Variants in SMAP1 observed in about 807,000 individuals in gnomAD.
SMAP1 encodes the protein stromal membrane-associated protein 1.
In SMAP1, 24 loss-of-function variants were observed where a neutral mutation model predicts 58.5. The ratio of observed to expected loss-of-function variants is 0.41; its 90% confidence interval spans 0.30 to 0.58. SMAP1 has a LOEUF of 0.58. Among genes scored for constraint, SMAP1 ranks in the 20% least tolerant of loss-of-function variants. The probability of loss-of-function intolerance (pLI) is 0.29; values close to 1 mark genes in which losing one functional copy is unlikely to be tolerated. For synonymous variants in SMAP1, 216 were observed against 196.6 expected (o/e 1.10, Z -0.82); for missense variants, 563 against 566.3 (o/e 0.99, Z 0.06).
At chr6:70,781,270 A>G (rs932634673) in intron 4 of SMAP1, among the ~76,000 whole-genome samples, 4 of 152,182 alleles carry the variant, frequency 2.6e-5, no homozygotes, top group Admixed American at 1.3e-4. Context: ...GGCTTCTTCT[A>G]CACACTTGGT....
intron 2 of SMAP1, among the ~76,000 whole-genome samples, chr6:70,749,962 A>T (rs1438049399): frequency 1.3e-5 from 2 of 152,234 alleles, no homozygotes; most frequent in African/African-American, 4.8e-5. Context: ...TGGAAGATTA[A>T]AACAAAATAT....
intron 1 of SMAP1, among the ~76,000 whole-genome samples, chr6:70,707,441 A>T (rs1767883806): frequency 6.6e-6 from 1 of 152,164 alleles, no homozygotes; most frequent in Admixed American, 6.6e-5. Flanking sequence ...TGAGAGCATG[A>T]TCTGTTAATT....
chr6:70,675,905 T>A (rs145904104), intron 1 of SMAP1, among the ~76,000 whole-genome samples: 77 of 152,252 alleles, frequency 5.1e-4, no homozygotes, highest in African/African-American at 1.6e-3. Context: ...ATAAATATGG[T>A]TTATGTTGAA....
intron 6 of SMAP1, among the ~76,000 whole-genome samples, chr6:70,831,099 C>T (rs1770339987): frequency 6.6e-6 from 1 of 152,128 alleles, no homozygotes; most frequent in Non-Finnish European, 1.5e-5. Flanking sequence ...AGAGAATTAT[C>T]ATTTCAACTG....
intron 3 of SMAP1, among the ~76,000 whole-genome samples, chr6:70,758,260 T>G (rs1766593324): frequency 6.6e-6 from 1 of 151,522 alleles, no homozygotes; most frequent in Non-Finnish European, 1.5e-5. Context: ...CTCAGTAATC[T>G]ATCGCAAGAA....
chr6:70,732,482 C>G lies in SMAP1; in HGVS notation c.223C>G (p.Leu75Val). ...TATATCCAGGGTCAAATCAGTCAACCTAGACCAATGGACAGCAGAACAGAT... is the reference window on the plus strand; with the variant it reads ...TATATCCAGGGTCAAATCAGTCAACGTAGACCAATGGACAGCAGAACAGAT... ...VHISRVKSVN[L>V]DQWTAEQIQC... The change falls in exon 2 of 11, where the codon CTA (leucine) becomes GTA (valine). Residue 75 changes from leucine to valine, a missense_variant. Physicochemically the swap from Leu to Val is conservative, Grantham distance 32. Transcript: ENST00000370455. The G allele has an allele frequency of 6.2e-7, 1 of 1,607,770 alleles. No individual in the cohort carries two copies. The highest frequency in any genetic ancestry group is 1.1e-5 in the South Asian group (1 of 89,998).
At chr6:70,732,589 G>T (rs1021812789) in intron 2 of SMAP1, 78 bp downstream of exon 2, 49 of 1,245,900 alleles carry the variant, frequency 3.9e-5, no homozygotes, top group South Asian at 2.9e-4. Flanking sequence ...TGCATCTAAG[G>T]ATTAACATTG....
chr6:70,696,922 G>A (rs185148686), intron 1 of SMAP1, among the ~76,000 whole-genome samples: 1 of 152,264 alleles, frequency 6.6e-6, no homozygotes, highest in Admixed American at 6.5e-5. Flanking sequence ...GTTTTACAGT[G>A]TTGGGTGCAT....
In SMAP1 at chr6:70,668,412, C is replaced by T. The variant is rs554669808; in HGVS notation, c.118+271C>T. 734 of 1,073,664 alleles carry T rather than the reference C, an allele frequency of 6.8e-4. 4 individuals carry two copies. The African/African-American group carries it at 1.0e-2, about 15-fold the overall frequency. The allele number at this position is 1,073,664 out of a possible 1,614,324, so 66.5% of individuals were successfully genotyped here. ...CGGGTTTGAGCAGGTGCCAGGGTAG[C>T]GATGCTCGGACCCTCCACAGGGCTG... On this transcript the variant is annotated intron_variant, in intron 1 of 10. Coordinates refer to ENST00000370455, the MANE Select transcript of SMAP1 (RefSeq NM_001044305.3).
chr6:70,768,993 T>A (rs910276916), intron 3 of SMAP1, among the ~76,000 whole-genome samples: 6 of 152,156 alleles, frequency 3.9e-5, no homozygotes, highest in African/African-American at 1.4e-4. Context: ...TATTTCTGCC[T>A]TCATTTCGTT....
intron 1 of SMAP1, among the ~76,000 whole-genome samples, chr6:70,689,163 C>T (rs1460820253): frequency 6.6e-6 from 1 of 151,968 alleles, no homozygotes; most frequent in Non-Finnish European, 1.5e-5. Flanking sequence ...TGTGCGCCAC[C>T]ACGCCTGGCT....
intron 1 of SMAP1, among the ~76,000 whole-genome samples, chr6:70,717,588 C>T (rs562569006): frequency 5.3e-5 from 8 of 152,264 alleles, no homozygotes; most frequent in African/African-American, 1.2e-4. Flanking sequence ...AGGAGACTGT[C>T]GGCCAGTTTC....
At chr6:70,738,783 C>T (rs1765711074) in intron 2 of SMAP1, among the ~76,000 whole-genome samples, 1 of 152,042 alleles carries the variant, frequency 6.6e-6, no homozygotes, top group Non-Finnish European at 1.5e-5. Context: ...GCTTAAAAAA[C>T]AACTAAAACT....
At chr6:70,773,632 C>T (rs1003338433) in intron 4 of SMAP1, among the ~76,000 whole-genome samples, 3 of 152,112 alleles carry the variant, frequency 2.0e-5, no homozygotes, top group Admixed American at 6.5e-5. Flanking sequence ...AATCTAATAA[C>T]CACTTACATG....
At chr6:70,783,592 C>T (rs1767862772) in intron 4 of SMAP1, among the ~76,000 whole-genome samples, 1 of 152,052 alleles carries the variant, frequency 6.6e-6, no homozygotes, top group Non-Finnish European at 1.5e-5. Flanking sequence ...ATAACCAATG[C>T]AGAGAAGTGC....
chr6:70,857,659 T>C, intron 9 of SMAP1: 1 of 466,554 alleles, frequency 2.1e-6, no homozygotes, highest in Non-Finnish European at 3.9e-6. Context: ...GTCTTCACAG[T>C]GGAAGATATT....
intron 1 of SMAP1, 44 bp downstream of exon 1, chr6:70,668,185 A>T (rs749290215): frequency 1.3e-6 from 2 of 1,524,844 alleles, no homozygotes; most frequent in Non-Finnish European, 1.8e-6. Flanking sequence ...GCCTCTTGCG[A>T]CCGGTGACCT....
intron 1 of SMAP1, among the ~76,000 whole-genome samples, chr6:70,719,516 A>G (rs1235824795): frequency 2.0e-5 from 3 of 152,066 alleles, no homozygotes; most frequent in Non-Finnish European, 4.4e-5. Context: ...AAACACACCC[A>G]TTTCCCCCCT....
Position 70,860,395 on chromosome 6 carries a change from A to G in SMAP1, c.*61A>G. 1 of 1,552,380 alleles carries G rather than the reference A, an allele frequency of 6.4e-7. No individual in the cohort carries two copies. Among genetic ancestry groups the G allele is most frequent in the South Asian group, 1.2e-5 (1 of 80,300 alleles). Reference sequence around the variant, plus strand: ...TGACATTCCTTGCTGAAACGCATCTAGTTCCCCTGTTTATTCATATGCATA... The same window carrying G: ...TGACATTCCTTGCTGAAACGCATCTGGTTCCCCTGTTTATTCATATGCATA... On this transcript the variant is annotated 3_prime_UTR_variant, in exon 11 of 11. Coordinates refer to ENST00000370455, the MANE Select transcript of SMAP1 (RefSeq NM_001044305.3).
Sources: allele counts gnomAD v4.1 joint callset (sites outside exome capture counted in the v4.1 genomes callset), GRCh38; gene constraint gnomAD v4.1.1; transcripts MANE v1.5; gene names NCBI Gene and HGNC (gene_info 2026-07-23, HGNC 2026-07-21).